The following RPH3A variants were observed in gnomAD, a reference collection of about 807,000 sequenced individuals.
The protein encoded by RPH3A is rabphilin-3A.
A neutral mutation model predicts 102.2 loss-of-function variants in RPH3A; 48 were observed. That is an observed-to-expected ratio of 0.47 (90% CI 0.37 to 0.60). The LOEUF (loss-of-function observed/expected upper bound fraction) is 0.60, where lower values mean the gene tolerates loss of function less well. Among genes scored for constraint, RPH3A ranks in the 20% least tolerant of loss-of-function variants. RPH3A has a pLI of 0.00. For missense variants in RPH3A, 781 were observed against 910.1 expected, an observed-to-expected ratio of 0.86 and a Z score of 1.83; for synonymous variants, 310 against 324.3, an observed-to-expected ratio of 0.96 and a Z score of 0.47.
intron 4 of RPH3A, among the ~76,000 whole-genome samples, chr12:112,845,580 A>G (rs569437482): frequency 7.9e-5 from 12 of 152,250 alleles, no homozygotes; most frequent in East Asian, 3.9e-4. Flanking sequence ...GCTCTGCCCA[A>G]TCTCTAGGCT....
intron 2 of RPH3A, among the ~76,000 whole-genome samples, chr12:112,798,174 A>G (rs976829787): frequency 6.6e-6 from 1 of 152,222 alleles, no homozygotes; most frequent in Admixed American, 6.5e-5. Flanking sequence ...GAGCTCTGTC[A>G]GACTCTGGTT....
At chr12:112,793,365 C>T (rs1006540999) in intron 2 of RPH3A, among the ~76,000 whole-genome samples, 5 of 152,204 alleles carry the variant, frequency 3.3e-5, no homozygotes, top group Admixed American at 1.3e-4. Context: ...TTCTGCACCC[C>T]CAAGGATTTC....
chr12:112,730,403 A>G (rs1218760923), intron 1 of RPH3A, among the ~76,000 whole-genome samples: 8 of 152,210 alleles, frequency 5.3e-5, no homozygotes, highest in Admixed American at 5.2e-4. Context: ...AGCTTGCCCA[A>G]GGTCATGCCT....
chr12:112,897,367 A>G lies in RPH3A; in HGVS notation c.*587A>G, dbSNP rs1268865748. The G allele has an allele frequency of 6.6e-6, 1 of 152,560 alleles. No individual in the cohort carries two copies. The highest frequency in any genetic ancestry group is 2.4e-5 in the African/African-American group (1 of 41,424). The allele number at this position is 152,560 out of a possible 1,614,324, so 9.5% of individuals were successfully genotyped here. On this transcript the variant is annotated 3_prime_UTR_variant, in exon 22 of 22. Coordinates refer to ENST00000389385, the MANE Select transcript of RPH3A (RefSeq NM_001143854.2). ...CCCTCCCTGCTCCAAGTGCACCAGG[A>G]TGCAAATGCACAGAATTCACCAGGG...
intron 1 of RPH3A, among the ~76,000 whole-genome samples, chr12:112,621,008 TTA>T (rs1317621959): frequency 3.5e-5 from 5 of 144,050 alleles, no homozygotes; most frequent in African/African-American, 5.7e-5. Context: ...TTTAACATTA[TTA>T]TTTTTTTTTT....
At chr12:112,594,001 A>T (rs1170310683) in intron 1 of RPH3A, among the ~76,000 whole-genome samples, 1 of 152,144 alleles carries the variant, frequency 6.6e-6, no homozygotes, top group Admixed American at 6.6e-5. Context: ...GTTTTGCTCA[A>T]TGTGGTATAT....
chr12:112,693,853 G>A (rs922743475), intron 1 of RPH3A, among the ~76,000 whole-genome samples: 21 of 152,272 alleles, frequency 1.4e-4, no homozygotes, highest in East Asian at 9.6e-4. Flanking sequence ...TCTGTCTCTT[G>A]TTGGAACATA....
At chr12:112,729,726 C>A (rs1385698616) in intron 1 of RPH3A, among the ~76,000 whole-genome samples, 1 of 152,172 alleles carries the variant, frequency 6.6e-6, no homozygotes, top group African/African-American at 2.4e-5. Flanking sequence ...GGCTAAAAAG[C>A]CAAAGGGCCT....
intron 1 of RPH3A, among the ~76,000 whole-genome samples, chr12:112,786,442 C>T (rs982692297): frequency 3.3e-5 from 5 of 152,124 alleles, no homozygotes; most frequent in South Asian, 4.1e-4. Context: ...TATCTTTGAC[C>T]GATTCCCTGT....
intron 1 of RPH3A, among the ~76,000 whole-genome samples, chr12:112,589,179 C>T (rs1389906280): frequency 6.6e-6 from 1 of 151,838 alleles, no homozygotes; most frequent in Non-Finnish European, 1.5e-5. Flanking sequence ...GGGGGCCAAC[C>T]CAGGAGGGTT....
intron 1 of RPH3A, among the ~76,000 whole-genome samples, chr12:112,609,447 G>C: frequency 6.6e-6 from 1 of 152,110 alleles, no homozygotes. Context: ...CTAGGTCTTT[G>C]CACATGATAT....
At chr12:112,764,381 T>G (rs1230202336) in intron 1 of RPH3A, among the ~76,000 whole-genome samples, 1 of 152,194 alleles carries the variant, frequency 6.6e-6, no homozygotes, top group East Asian at 1.9e-4. Flanking sequence ...GGTCTTGTTA[T>G]GTAGCTAAAA....
At chr12:112,590,974 G>C (rs2135963334) in intron 1 of RPH3A, among the ~76,000 whole-genome samples, 1 of 151,576 alleles carries the variant, frequency 6.6e-6, no homozygotes, top group South Asian at 2.1e-4. Context: ...TTAAAAAAGT[G>C]TTTTTTAGCT....
At chr12:112,679,311 G>A (rs555896761) in intron 1 of RPH3A, among the ~76,000 whole-genome samples, 95 of 152,064 alleles carry the variant, frequency 6.2e-4, no homozygotes, top group Middle Eastern at 6.8e-3. Context: ...ATGCCACGAG[G>A]CCCAGCTAAT....
chr12:112,805,252 G>A lies in RPH3A; in HGVS notation c.-19+12989G>A, dbSNP rs1437813786. The stretch of plus-strand genomic sequence containing the variant: ...CTTATCTGAGAAATTCAAATGTCTG[G>A]GTGCTAATTTTGTCCAGTCATGAAC... On this transcript the variant is annotated intron_variant, in intron 2 of 21. Coordinates refer to ENST00000389385, the MANE Select transcript of RPH3A (RefSeq NM_001143854.2). 5.9e-5 allele frequency among the ~76,000 whole-genome samples: 9 copies of A among 151,930 alleles called. No individual in the cohort carries two copies. The East Asian group carries it at 1.7e-3, about 29-fold the overall frequency.
At chr12:112,865,252 T>C (rs2042588587) in intron 5 of RPH3A, among the ~76,000 whole-genome samples, 162 bp from the exon 6 acceptor site, 1 of 152,000 alleles carries the variant, frequency 6.6e-6, no homozygotes, top group African/African-American at 2.4e-5. Flanking sequence ...GCGTCAGAAT[T>C]TTATGTGCAT....
At chr12:112,697,896 T>C (rs1254325055) in intron 1 of RPH3A, among the ~76,000 whole-genome samples, 1 of 152,070 alleles carries the variant, frequency 6.6e-6, no homozygotes, top group Non-Finnish European at 1.5e-5. Context: ...ACTTTTTTTT[T>C]CTTTAAAGAA....
At chr12:112,771,250 A>G (rs2040925833) in intron 1 of RPH3A, among the ~76,000 whole-genome samples, 1 of 152,248 alleles carries the variant, frequency 6.6e-6, no homozygotes, top group Non-Finnish European at 1.5e-5. Flanking sequence ...AAATTCAAAC[A>G]TGCACAGGAG....
intron 16 of RPH3A, among the ~76,000 whole-genome samples, chr12:112,884,019 A>G (rs2042966937): frequency 6.6e-6 from 1 of 152,112 alleles, no homozygotes; most frequent in South Asian, 2.1e-4. Context: ...ATATATATAT[A>G]TGTATGGAAC....
Sources: gnomAD v4.1 joint callset for allele counts (sites outside exome capture counted in the v4.1 genomes callset) on GRCh38, gnomAD v4.1.1 for gene constraint, MANE v1.5 for transcripts, NCBI Gene and HGNC (gene_info 2026-07-23, HGNC 2026-07-21) for gene names.